PCDH11X: variants seen among roughly 807,000 people sequenced by gnomAD.
PCDH11X encodes protocadherin-11 X-linked.
A neutral mutation model predicts 53.3 loss-of-function variants in PCDH11X; 18 were observed. The ratio of observed to expected loss-of-function variants is 0.34; its 90% CI spans 0.23 to 0.50. PCDH11X has a LOEUF of 0.50. Ranked by LOEUF, PCDH11X falls within the 20% of genes least tolerant of loss-of-function variation. The pLI, the probability that PCDH11X is intolerant of heterozygous loss-of-function variation, is 0.98. For missense variants in PCDH11X, 570 were observed against 1,032.4 expected, an observed-to-expected ratio of 0.55 and a Z score of 6.14; for synonymous variants, 279 against 393.3, an observed-to-expected ratio of 0.71 and a Z score of 3.44.
chrX:92,536,652 C>A (rs2750945), intron 10 of PCDH11X, among the ~76,000 whole-genome samples: 2 of 73,269 alleles, frequency 2.7e-5, no homozygotes, highest in African/African-American at 4.3e-5. Context: ...TGGATAAAAG[C>A]CTTTTTTTTT....
chrX:92,227,538 A>G (rs1265293206), intron 7 of PCDH11X, among the ~76,000 whole-genome samples: 1 of 111,666 alleles, frequency 9.0e-6, no homozygotes, highest in African/African-American at 3.2e-5. Flanking sequence ...TCCTGCAAAT[A>G]AAATCTCCTT....
intron 10 of PCDH11X, among the ~76,000 whole-genome samples, chrX:92,586,977 C>CTTT (rs34675403): frequency 4.0e-4 from 29 of 72,902 alleles, no homozygotes; most frequent in South Asian, 7.3e-4. Context: ...ACACAGAAGC[C>CTTT]TTTTTTTTTT....
intron 8 of PCDH11X, among the ~76,000 whole-genome samples, chrX:92,347,610 A>G (rs2069933245): frequency 8.9e-6 from 1 of 111,913 alleles, no homozygotes; most frequent in Non-Finnish European, 1.9e-5. Flanking sequence ...TATGTCATCA[A>G]CATAGTTCAT....
At chrX:92,569,814 G>A (rs756346481) in intron 10 of PCDH11X, 17 of 156,375 alleles carry the variant, frequency 1.1e-4, no homozygotes, top group South Asian at 1.0e-4. Context: ...TCAGGAGTTC[G>A]AGACCAGCCT....
At chrX:91,910,359 T>C (rs1162231754) in intron 6 of PCDH11X, among the ~76,000 whole-genome samples, 7 of 108,741 alleles carry the variant, frequency 6.4e-5, no homozygotes, top group African/African-American at 2.0e-4. Context: ...ACACAAAATA[T>C]CTTACTATTT....
At chrX:92,303,717 C>A (rs1212445349) in intron 8 of PCDH11X, among the ~76,000 whole-genome samples, 2 of 111,554 alleles carry the variant, frequency 1.8e-5, no homozygotes, top group East Asian at 5.6e-4. Flanking sequence ...ATTGAACATC[C>A]CATTCTCATT....
intron 10 of PCDH11X, among the ~76,000 whole-genome samples, chrX:92,606,335 G>A: frequency 9.2e-6 from 1 of 108,886 alleles, no homozygotes; most frequent in African/African-American, 3.4e-5. Context: ...AACAAAGTTG[G>A]ATAACTAAGC....
At chrX:91,936,361 A>G (rs1295198868) in intron 6 of PCDH11X, among the ~76,000 whole-genome samples, 1 of 109,059 alleles carries the variant, frequency 9.2e-6, no homozygotes, top group African/African-American at 3.3e-5. Context: ...GTTCTGTGAG[A>G]TGAAAATTTG....
intron 6 of PCDH11X, among the ~76,000 whole-genome samples, chrX:92,195,211 C>A (rs994464112): frequency 9.0e-6 from 1 of 111,285 alleles, no homozygotes. Context: ...TGTTAAAGCT[C>A]TGAGCTTTCT....
intron 6 of PCDH11X, among the ~76,000 whole-genome samples, chrX:92,189,332 AGT>A (rs1405686088): frequency 9.0e-6 from 1 of 111,406 alleles, no homozygotes; most frequent in Non-Finnish European, 1.9e-5. Flanking sequence ...TTCCTGCATA[AGT>A]TTGGTGAGGA....
At chrX:92,403,541 C>A (rs1158405571) in intron 9 of PCDH11X, among the ~76,000 whole-genome samples, 7 of 109,796 alleles carry the variant, frequency 6.4e-5, no homozygotes, top group Non-Finnish European at 1.1e-4. Context: ...TCAGTGACTG[C>A]TGATTATATG....
At chrX:91,884,190 C>CAAAAAAAA (rs34953838) in intron 6 of PCDH11X, among the ~76,000 whole-genome samples, 130 of 37,025 alleles carry the variant, frequency 3.5e-3, no homozygotes, top group Non-Finnish European at 4.7e-3. Flanking sequence ...GACTCCGTCT[C>CAAAAAAAA]AAAAAAAAAA....
Position 92,118,899 on chromosome X carries a change from G to A in PCDH11X, c.3034-82476G>A, listed in dbSNP as rs2064696389. ...TGGGACTACAGGCGCCCGCCACCAC[G>A]CCCAGCTAATTTTTTGTATTTTTAG... On this transcript the variant is annotated intron_variant, in intron 6 of 10. Transcript: ENST00000682573. Among the ~76,000 whole-genome samples, 5 of 103,440 alleles carry A rather than the reference G, an allele frequency of 4.8e-5. No homozygotes were observed. The South Asian group carries it at 1.3e-3, about 28-fold the overall frequency. 89.8% of individuals were successfully genotyped at this position (103,440 alleles called of 115,157 possible). A position where few individuals can be genotyped will look rare whatever the true frequency, so the allele number is the denominator to read the frequency against.
At chrX:92,323,967 C>A (rs1487249394) in intron 8 of PCDH11X, among the ~76,000 whole-genome samples, 1 of 106,583 alleles carries the variant, frequency 9.4e-6, no homozygotes, top group Non-Finnish European at 1.9e-5. Flanking sequence ...AATCAGTGTT[C>A]CAGAGAGCAG....
chrX:91,989,760 CA>C (rs902952118), intron 6 of PCDH11X, among the ~76,000 whole-genome samples: 1 of 109,835 alleles, frequency 9.1e-6, no homozygotes, highest in Non-Finnish European at 1.9e-5. Context: ...GAAGTCCTTA[CA>C]AAAAAATAGA....
At chrX:92,021,740 T>A (rs1295389370) in intron 6 of PCDH11X, among the ~76,000 whole-genome samples, 1 of 105,125 alleles carries the variant, frequency 9.5e-6, no homozygotes, top group Admixed American at 1.1e-4. Flanking sequence ...AAGGTAGAAA[T>A]GAAGGAAAAA....
At chrX:91,996,004 C>A (rs954665429) in intron 6 of PCDH11X, among the ~76,000 whole-genome samples, 1 of 107,672 alleles carries the variant, frequency 9.3e-6, no homozygotes, top group Non-Finnish European at 1.9e-5. Flanking sequence ...CCACGCCTGG[C>A]TAATTTTTTG....
chrX:92,448,862 C>A (rs1270335974), intron 9 of PCDH11X, among the ~76,000 whole-genome samples: 1 of 111,496 alleles, frequency 9.0e-6, no homozygotes, highest in Non-Finnish European at 1.9e-5. Flanking sequence ...TGCTAGCTGG[C>A]AAAAGCATTA....
intron 6 of PCDH11X, among the ~76,000 whole-genome samples, chrX:92,149,188 A>G (rs1472784283): frequency 3.6e-5 from 4 of 109,940 alleles, no homozygotes; most frequent in Non-Finnish European, 7.6e-5. Flanking sequence ...AGTTGTGGAT[A>G]ACTGAGCTCA....
Sources: allele counts gnomAD v4.1 joint callset (sites outside exome capture counted in the v4.1 genomes callset), GRCh38; gene constraint gnomAD v4.1.1; transcripts MANE v1.5; gene names NCBI Gene and HGNC (gene_info 2026-07-23, HGNC 2026-07-21).